The following KCNIP4 variants were observed in gnomAD, a reference collection of about 807,000 sequenced individuals.
The protein encoded by KCNIP4 is Kv channel-interacting protein 4.
A neutral mutation model predicts 34.0 loss-of-function variants in KCNIP4; 12 were observed. The ratio of observed to expected loss-of-function variants is 0.35; its 90% confidence interval spans 0.23 to 0.57. The LOEUF (loss-of-function observed/expected upper bound fraction) is 0.57. KCNIP4 is among the 20% of genes least tolerant of loss of function. KCNIP4 has a pLI of 0.83. For missense variants in KCNIP4, 238 were observed against 311.7 expected, an observed-to-expected ratio of 0.76 and a Z score of 1.78; for synonymous variants, 124 against 102.2, an observed-to-expected ratio of 1.21 and a Z score of -1.29.
chr4:20,736,059 C>T (rs553779924), intron 5 of KCNIP4, among the ~76,000 whole-genome samples: 1 of 152,112 alleles, frequency 6.6e-6, no homozygotes, highest in Non-Finnish European at 1.5e-5. Flanking sequence ...CCATATAGTT[C>T]AACATTTAAA....
chr4:21,825,960 C>A (rs1298285114), intron 1 of KCNIP4, among the ~76,000 whole-genome samples: 2 of 152,064 alleles, frequency 1.3e-5, no homozygotes, highest in Non-Finnish European at 2.9e-5. Flanking sequence ...AAGATAGAGC[C>A]GGTCATGCAC....
chr4:21,247,764 C>A (rs141560898), intron 1 of KCNIP4, among the ~76,000 whole-genome samples: 13,393 of 65,314 alleles, frequency 0.21, 2,287 homozygotes, highest in African/African-American at 0.54. Context: ...ATATATACAC[C>A]CCACAGGTGT....
In KCNIP4 at chr4:21,569,031, C is replaced by T. The variant is rs74483903; in HGVS notation, c.61+379540G>A. Among the ~76,000 whole-genome samples the T allele has an allele frequency of 2.7e-4, 41 of 151,978 alleles. 1 individual carries two copies. The East Asian group carries it at 8.0e-3, about 30-fold the overall frequency. On this transcript the variant is annotated intron_variant, in intron 1 of 8. Transcript: ENST00000382152. The stretch of plus-strand genomic sequence containing the variant: ...TGGGTAAGATCACTCTCACCGCATT[C>T]AGAGCGAATCAACCCTGCTGATGCC...
intron 1 of KCNIP4, among the ~76,000 whole-genome samples, chr4:21,610,930 T>A (rs769558456): frequency 1.3e-5 from 2 of 152,130 alleles, no homozygotes; most frequent in African/African-American, 4.8e-5. Context: ...CAACTCATCA[T>A]CTACATTAGA....
chr4:21,826,481 A>G (rs1420528826), intron 1 of KCNIP4, among the ~76,000 whole-genome samples: 1 of 152,110 alleles, frequency 6.6e-6, no homozygotes, highest in African/African-American at 2.4e-5. Context: ...TAAAACAGTA[A>G]CAACAATAAA....
Position 20,906,040 on chromosome 4 carries a change from TC to T in KCNIP4, c.62-23332del, listed in dbSNP as rs1727725114. On this transcript the variant is annotated intron_variant, in intron 1 of 8. Transcript: ENST00000382152. Reference sequence around the variant, plus strand: ...TTCTTCTTTCCTTTCCCCTTCCCCTTCCCCTTCTCTTCCTCCCTCCCTCCCT... The same window carrying T: ...TTCTTCTTTCCTTTCCCCTTCCCCTTCCCTTCTCTTCCTCCCTCCCTCCCT... Among the ~76,000 whole-genome samples the T allele has an allele frequency of 2.7e-5, 4 of 150,726 alleles. No individual in the cohort carries two copies. The South Asian group carries it at 8.5e-4, about 32-fold the overall frequency.
chr4:21,470,490 AATAG>A (rs1297751213), intron 1 of KCNIP4, among the ~76,000 whole-genome samples: 1 of 152,188 alleles, frequency 6.6e-6, no homozygotes, highest in Admixed American at 6.5e-5. Flanking sequence ...CTTCAGGAAA[AATAG>A]ATAATGTGGT....
chr4:21,509,913 T>C (rs1199145676), intron 1 of KCNIP4, among the ~76,000 whole-genome samples: 1 of 151,406 alleles, frequency 6.6e-6, no homozygotes, highest in Non-Finnish European at 1.5e-5. Flanking sequence ...AGGTCAGGAG[T>C]TCGAGACCAG....
chr4:21,131,591 C>T (rs1751077770), intron 1 of KCNIP4, among the ~76,000 whole-genome samples: 1 of 152,024 alleles, frequency 6.6e-6, no homozygotes, highest in African/African-American at 2.4e-5. Context: ...GCCTGGGCGA[C>T]AGAAGGAGAC....
intron 1 of KCNIP4, among the ~76,000 whole-genome samples, chr4:21,602,386 A>G (rs1743256403): frequency 6.6e-6 from 1 of 152,134 alleles, no homozygotes; most frequent in South Asian, 2.1e-4. Flanking sequence ...GGGGCAGTAG[A>G]TACTCAATAA....
chr4:21,735,199 G>A (rs1715898339), intron 1 of KCNIP4, among the ~76,000 whole-genome samples: 1 of 151,986 alleles, frequency 6.6e-6, no homozygotes, highest in African/African-American at 2.4e-5. Flanking sequence ...CCAAGTGTGG[G>A]AGTGCAGAGA....
intron 1 of KCNIP4, among the ~76,000 whole-genome samples, chr4:21,380,640 C>T (rs1250865713): frequency 6.6e-6 from 1 of 152,040 alleles, no homozygotes; most frequent in African/African-American, 2.4e-5. Context: ...AAGCTTACTT[C>T]GACAAAGTGG....
intron 1 of KCNIP4, among the ~76,000 whole-genome samples, chr4:21,559,833 T>A (rs1233648497): frequency 1.3e-5 from 2 of 152,160 alleles, no homozygotes; most frequent in Non-Finnish European, 2.9e-5. Flanking sequence ...CATCTGTATC[T>A]CTTACTACTT....
chr4:21,254,244 C>T (rs1246715586), intron 1 of KCNIP4, among the ~76,000 whole-genome samples: 1 of 152,170 alleles, frequency 6.6e-6, no homozygotes, highest in Non-Finnish European at 1.5e-5. Flanking sequence ...GAGTTTCAAA[C>T]ATGGTTGTTG....
intron 2 of KCNIP4, among the ~76,000 whole-genome samples, chr4:20,879,232 G>T (rs114982517): frequency 0.011 from 1,708 of 152,214 alleles, 22 homozygotes; most frequent in African/African-American, 0.039. Flanking sequence ...TTCTTACTCT[G>T]GTTGAGGCGA....
chr4:21,744,327 C>G (rs1716625535), intron 1 of KCNIP4, among the ~76,000 whole-genome samples: 1 of 152,090 alleles, frequency 6.6e-6, no homozygotes, highest in Admixed American at 6.6e-5. Flanking sequence ...CTGTATTACT[C>G]ACTCTCATCT....
chr4:21,200,852 TTG>T, intron 1 of KCNIP4, among the ~76,000 whole-genome samples: 1 of 152,216 alleles, frequency 6.6e-6, no homozygotes, highest in East Asian at 1.9e-4. Context: ...CCTGATTGTG[TTG>T]TGTTTTCCTT....
chr4:21,484,092 T>C (rs895564540), intron 1 of KCNIP4, among the ~76,000 whole-genome samples: 1 of 152,172 alleles, frequency 6.6e-6, no homozygotes, highest in Non-Finnish European at 1.5e-5. Flanking sequence ...GCATTTATAA[T>C]AATGCTTATG....
chr4:21,168,456 A>G (rs1753792247), intron 1 of KCNIP4, among the ~76,000 whole-genome samples: 1 of 152,206 alleles, frequency 6.6e-6, no homozygotes, highest in Non-Finnish European at 1.5e-5. Flanking sequence ...AGTTTCTGTT[A>G]GGCACAGGTA....
Sources: gnomAD v4.1 joint callset for allele counts (sites outside exome capture counted in the v4.1 genomes callset) on GRCh38, gnomAD v4.1.1 for gene constraint, MANE v1.5 for transcripts, NCBI Gene and HGNC (gene_info 2026-07-23, HGNC 2026-07-21) for gene names.